NDUFS4: variants seen among roughly 807,000 people sequenced by gnomAD.
The protein encoded by NDUFS4 is NADH dehydrogenase [ubiquinone] iron-sulfur protein 4, mitochondrial.
NDUFS4 carries 28 observed loss-of-function variants against 24.3 expected under a neutral mutation model. That is an observed-to-expected ratio of 1.15 (90% CI 0.85 to 1.58). NDUFS4 has a LOEUF of 1.58. Ranked by LOEUF, NDUFS4 falls within the 40% of genes most tolerant of loss-of-function variation. NDUFS4 has a pLI of 0.00. For missense variants in NDUFS4, 223 were observed against 207.9 expected, an observed-to-expected ratio of 1.07 and a Z score of -0.45; for synonymous variants, 93 against 69.7, an observed-to-expected ratio of 1.34 and a Z score of -1.67.
intron 2 of NDUFS4, among the ~76,000 whole-genome samples, chr5:53,635,187 TTAAATAAA>T (rs59403372): frequency 2.7e-5 from 4 of 149,548 alleles, no homozygotes; most frequent in Non-Finnish European, 4.4e-5. Context: ...AAAAACTCTG[TTAAATAAA>T]TAAATAAATA....
chr5:53,560,909 TGCTATCAATGGGCGTTG>T, intron 1 of NDUFS4, 149 bp downstream of exon 1: 2 of 1,517,898 alleles, frequency 1.3e-6, no homozygotes, highest in Non-Finnish European at 1.8e-6. Context: ...AGGGACTGTC[TGCTATCAATGGGCGTTG>T]GCCAGGCGAG....
intron 1 of NDUFS4, among the ~76,000 whole-genome samples, chr5:53,595,825 G>C (rs1252286614): frequency 6.6e-6 from 1 of 152,152 alleles, no homozygotes; most frequent in Non-Finnish European, 1.5e-5. Context: ...ACACACAACT[G>C]CTATTAGTTC....
At chr5:53,635,521 A>G (rs537165256) in intron 2 of NDUFS4, among the ~76,000 whole-genome samples, 2 of 152,168 alleles carry the variant, frequency 1.3e-5, no homozygotes, top group South Asian at 4.1e-4. Flanking sequence ...TCCTTTCTCA[A>G]AATAAATAAA....
chr5:53,634,080 C>T (rs1751481910), intron 2 of NDUFS4, among the ~76,000 whole-genome samples: 1 of 152,086 alleles, frequency 6.6e-6, no homozygotes, highest in African/African-American at 2.4e-5. Context: ...TAAGTGTTTC[C>T]CTGGTTTTAC....
intron 2 of NDUFS4, among the ~76,000 whole-genome samples, chr5:53,644,003 T>C (rs1191358536): frequency 1.3e-5 from 2 of 152,180 alleles, no homozygotes; most frequent in Non-Finnish European, 2.9e-5. Context: ...AGCAACATTG[T>C]GTAGACACTT....
chr5:53,614,019 A>G (rs549447256), intron 2 of NDUFS4, among the ~76,000 whole-genome samples: 2 of 152,156 alleles, frequency 1.3e-5, no homozygotes, highest in Admixed American at 6.6e-5. Context: ...ACATGTATCT[A>G]TAAACATGAA....
rs200244759 is a variant in NDUFS4 at position 53,675,038 on chromosome 5, AAAAT to A, written c.425-8077_425-8074del. 9.2e-3 allele frequency among the ~76,000 whole-genome samples: 1,404 copies of A among 152,182 alleles called. 17 individuals are homozygous for A. Among genetic ancestry groups the A allele is most frequent in the African/African-American group, 0.032 (1,330 of 41,542 alleles). ...TACTCTTAAAAAGTACTTGTAGCTT[AAAAT>A]AATTTCTAGCACACTGAAAAGATTA... On this transcript the variant is annotated intron_variant, in intron 4 of 4. Transcript: ENST00000296684.
At chr5:53,584,172 G>A (rs919948637) in intron 1 of NDUFS4, among the ~76,000 whole-genome samples, 3 of 152,112 alleles carry the variant, frequency 2.0e-5, no homozygotes, top group East Asian at 1.9e-4. Flanking sequence ...TTGGCATTGC[G>A]ATTATTGTTT....
intron 2 of NDUFS4, among the ~76,000 whole-genome samples, chr5:53,631,336 G>A (rs990030773): frequency 6.6e-6 from 1 of 152,194 alleles, no homozygotes; most frequent in African/African-American, 2.4e-5. Flanking sequence ...ACTGGGAGGC[G>A]TCTCCTGGTC....
At chr5:53,588,677 T>C (rs1749847048) in intron 1 of NDUFS4, among the ~76,000 whole-genome samples, 1 of 152,190 alleles carries the variant, frequency 6.6e-6, no homozygotes. Flanking sequence ...AAAAACAATA[T>C]GTCAGTCCAT....
intron 1 of NDUFS4, among the ~76,000 whole-genome samples, chr5:53,590,983 T>C (rs1364611539): frequency 6.6e-6 from 1 of 152,228 alleles, no homozygotes; most frequent in Non-Finnish European, 1.5e-5. Context: ...ACTTTCTGTT[T>C]CTGTGAGTTT....
chr5:53,675,442 G>A (rs981058947), intron 4 of NDUFS4, among the ~76,000 whole-genome samples: 3 of 152,110 alleles, frequency 2.0e-5, no homozygotes, highest in Non-Finnish European at 2.9e-5. Flanking sequence ...GATTACAGGC[G>A]TGAGCCACCA....
At chr5:53,578,793 C>G (rs1749466578) in intron 1 of NDUFS4, among the ~76,000 whole-genome samples, 1 of 152,120 alleles carries the variant, frequency 6.6e-6, no homozygotes, top group African/African-American at 2.4e-5. Context: ...CTTTCTCCCT[C>G]TCTACTTTTC....
intron 2 of NDUFS4, among the ~76,000 whole-genome samples, chr5:53,631,121 C>T (rs1389362802): frequency 6.6e-6 from 1 of 152,106 alleles, no homozygotes; most frequent in Non-Finnish European, 1.5e-5. Flanking sequence ...TGTTAGTTTT[C>T]CTTCTAACAG....
chr5:53,590,823 T>G (rs1159356139), intron 1 of NDUFS4, among the ~76,000 whole-genome samples: 1 of 152,204 alleles, frequency 6.6e-6, no homozygotes, highest in Non-Finnish European at 1.5e-5. Flanking sequence ...TTAAGTATAT[T>G]TCATTGGCAT....
At chr5:53,579,166 C>T (rs80245074) in intron 1 of NDUFS4, among the ~76,000 whole-genome samples, 2,637 of 152,010 alleles carry the variant, frequency 0.017, 76 homozygotes, top group African/African-American at 0.06. Context: ...GGCTTTACTC[C>T]GTCTCAGTTT....
rs34400470 is a variant in NDUFS4, at chr5:53,667,486, C to CA, written c.424+8879dup. Among the ~76,000 whole-genome samples the CA allele has an allele frequency of 7.1e-4, 96 of 135,930 alleles. 1 individual carries two copies. Among genetic ancestry groups the CA allele is most frequent in the East Asian group, 5.8e-3 (27 of 4,618 alleles). 89.2% of individuals were successfully genotyped at this position (135,930 alleles called of 152,430 possible). A position where few individuals can be genotyped will look rare whatever the true frequency, so the allele number is the denominator to read the frequency against. On this transcript the variant is annotated intron_variant, in intron 4 of 4. Coordinates refer to ENST00000296684, the MANE Select transcript of NDUFS4 (RefSeq NM_002495.4). ...GCAATAAGAGCAAAAACTCTGTCTC[C>CA]AAAAAAAAAAAAAAAAAGGTGGAGG...
At chr5:53,655,551 T>G (rs1006563064) in intron 3 of NDUFS4, among the ~76,000 whole-genome samples, 1 of 152,090 alleles carries the variant, frequency 6.6e-6, no homozygotes, top group Admixed American at 6.6e-5. Flanking sequence ...GTATATATCT[T>G]TTAGTGGATA....
intron 4 of NDUFS4, among the ~76,000 whole-genome samples, chr5:53,682,834 A>G (rs1224810225): frequency 1.3e-5 from 2 of 152,174 alleles, no homozygotes; most frequent in African/African-American, 2.4e-5. Flanking sequence ...TTTATGTAAT[A>G]CATAGATATC....
Sources: allele counts gnomAD v4.1 joint callset (sites outside exome capture counted in the v4.1 genomes callset), GRCh38; gene constraint gnomAD v4.1.1; transcripts MANE v1.5; gene names NCBI Gene and HGNC (gene_info 2026-07-23, HGNC 2026-07-21).